The following GSG1L variants were observed in gnomAD, a reference collection of about 807,000 sequenced individuals.
The protein encoded by GSG1L is germ cell-specific gene 1-like protein.
GSG1L carries 24 observed loss-of-function variants against 42.1 expected under a neutral mutation model. The ratio of observed to expected loss-of-function variants is 0.57; its 90% CI spans 0.41 to 0.80. GSG1L has a LOEUF of 0.80. GSG1L is among the 30% of genes least tolerant of loss of function. GSG1L has a pLI of 0.00. For synonymous variants in GSG1L, 215 were observed against 203.5 expected (o/e 1.06, Z -0.48); for missense variants, 445 against 472.2 (o/e 0.94, Z 0.53).
In GSG1L at chr16:27,788,516, A is replaced by C. The variant is rs1272628411; in HGVS notation, c.*2854T>G. 6.6e-6 allele frequency: 1 copy of C among 152,152 alleles called. No individual in the cohort carries two copies. Among genetic ancestry groups the C allele is most frequent in the African/African-American group, 2.4e-5 (1 of 41,348 alleles). 9.4% of individuals were successfully genotyped at this position (152,152 alleles called of 1,614,324 possible). A position where few individuals can be genotyped will look rare whatever the true frequency, so the allele number is the denominator to read the frequency against. On this transcript the variant is annotated 3_prime_UTR_variant, in exon 7 of 7. Coordinates refer to ENST00000447459, the MANE Select transcript of GSG1L (RefSeq NM_001109763.2). ...ACTGCCCTCTGATGCCTAATTTCCC[A>C]CAACTGCCTCCTGACCTCCCTGCTC...
intron 2 of GSG1L, among the ~76,000 whole-genome samples, chr16:27,896,539 T>C (rs2084194152): frequency 6.6e-6 from 1 of 152,212 alleles, no homozygotes; most frequent in South Asian, 2.1e-4. Context: ...CTGCACATCC[T>C]GCACATGGAT....
At chr16:27,819,220 A>G (rs1477993016) in intron 5 of GSG1L, among the ~76,000 whole-genome samples, 1 of 151,412 alleles carries the variant, frequency 6.6e-6, no homozygotes, top group Non-Finnish European at 1.5e-5. Context: ...ACTGCACTCC[A>G]GCCTGGCGAC....
rs577530305 is a variant in GSG1L at position 27,837,053 on chromosome 16, C to T, written c.662+7897G>A. Among the ~76,000 whole-genome samples the T allele has an allele frequency of 1.1e-4, 16 of 152,202 alleles. No homozygotes were observed. The East Asian group carries it at 2.7e-3, about 26-fold the overall frequency. ...GTAGAAGTCTAGGTTTCCCACTGGG[C>T]GAGTGTATTAGTCTGTGTAATTTAT... On this transcript the variant is annotated intron_variant, in intron 4 of 6. Transcript: ENST00000447459.
chr16:27,821,308 CA>C (rs1188428623), intron 5 of GSG1L, among the ~76,000 whole-genome samples: 8 of 151,526 alleles, frequency 5.3e-5, no homozygotes, highest in African/African-American at 1.7e-4. Flanking sequence ...TTTTTAGATT[CA>C]GGGGTACATG....
At chr16:27,817,629 A>T (rs1627331) in intron 5 of GSG1L, among the ~76,000 whole-genome samples, 49,154 of 151,992 alleles carry the variant, frequency 0.32, 8,931 homozygotes, top group African/African-American at 0.46. Context: ...GAGCAGCTGG[A>T]ATTATAAGTG....
chr16:27,900,860 G>A (rs1274451079), intron 2 of GSG1L, among the ~76,000 whole-genome samples: 1 of 151,902 alleles, frequency 6.6e-6, no homozygotes, highest in Non-Finnish European at 1.5e-5. Flanking sequence ...GAGCATGGTG[G>A]CTCATGCTTA....
At chr16:27,925,284 A>G (rs876081) in intron 2 of GSG1L, among the ~76,000 whole-genome samples, 52,469 of 152,058 alleles carry the variant, frequency 0.35, 9,358 homozygotes, top group African/African-American at 0.43. Flanking sequence ...GGCAGGGCCA[A>G]CATTTCAGGC....
intron 4 of GSG1L, among the ~76,000 whole-genome samples, chr16:27,839,051 T>C (rs574284331): frequency 2.8e-4 from 42 of 152,302 alleles, no homozygotes; most frequent in African/African-American, 9.6e-4. Context: ...CCTTAAGGGA[T>C]TGGCCTGCTG....
At chr16:27,810,812 C>T (rs922644367) in intron 5 of GSG1L, among the ~76,000 whole-genome samples, 3 of 152,142 alleles carry the variant, frequency 2.0e-5, no homozygotes, top group East Asian at 1.9e-4. Context: ...CTCAGCCTCC[C>T]GAGGAGCTGG....
Position 27,979,661 on chromosome 16 carries a change from AAGAG to A in GSG1L, c.350-16462_350-16459del, listed in dbSNP as rs1555512078. Among the ~76,000 whole-genome samples the A allele has an allele frequency of 3.8e-4, 26 of 67,718 alleles. 2 individuals are homozygous for A. The South Asian group carries it at 4.8e-3, about 12-fold the overall frequency. 44.4% of individuals were successfully genotyped at this position (67,718 alleles called of 152,430 possible). A position where few individuals can be genotyped will look rare whatever the true frequency, so the allele number is the denominator to read the frequency against. On this transcript the variant is annotated intron_variant, in intron 1 of 6. Transcript: ENST00000447459. ...GGGAGGGGAAAGAAAGAAAGAAAGA[AAGAG>A]AGAGAGAGAGAGAGAAAGAAAGAAG...
chr16:27,989,247 C>G (rs1295247911), intron 1 of GSG1L, among the ~76,000 whole-genome samples: 38 of 152,082 alleles, frequency 2.5e-4, no homozygotes, highest in Admixed American at 2.5e-3. Flanking sequence ...ATTTTGCAGT[C>G]ATCCAGGATC....
chr16:27,955,223 G>A (rs555702339), intron 2 of GSG1L, among the ~76,000 whole-genome samples: 1 of 152,188 alleles, frequency 6.6e-6, no homozygotes, highest in South Asian at 2.1e-4. Flanking sequence ...GGAGAAATAT[G>A]AGAAGATATT....
chr16:27,988,692 T>A (rs2085415772), intron 1 of GSG1L, among the ~76,000 whole-genome samples: 1 of 151,656 alleles, frequency 6.6e-6, no homozygotes, highest in Non-Finnish European at 1.5e-5. Flanking sequence ...AAACAAGAAT[T>A]TATGTCATAT....
chr16:27,924,617 A>T (rs2084570471), intron 2 of GSG1L, among the ~76,000 whole-genome samples: 1 of 152,164 alleles, frequency 6.6e-6, no homozygotes, highest in Non-Finnish European at 1.5e-5. Context: ...TTGCCCTTGT[A>T]TCTGCAGGAG....
chr16:27,959,858 T>C (rs966909226), intron 2 of GSG1L, among the ~76,000 whole-genome samples: 2 of 152,006 alleles, frequency 1.3e-5, no homozygotes, highest in African/African-American at 2.4e-5. Flanking sequence ...ACTTACAAGA[T>C]TGTGGCAGGA....
At chr16:27,862,189 T>C (rs746016036) in intron 3 of GSG1L, among the ~76,000 whole-genome samples, 21 of 152,198 alleles carry the variant, frequency 1.4e-4, no homozygotes, top group Non-Finnish European at 2.6e-4. Context: ...TACATAAGAT[T>C]GTGACACTTC....
In GSG1L at chr16:28,040,910, C is replaced by G. The variant is rs543951387; in HGVS notation, c.349+22166G>C. On this transcript the variant is annotated intron_variant, in intron 1 of 6. Transcript: ENST00000447459. This position sits in a 1 kb window ranked among gnomAD's most constrained non-coding sequence, Gnocchi z 4.1. ...GGGCCTTATTCAGACCCCACAGCAG[C>G]AAATGTGTGCTGTGCACTGAGCCTG... Among the ~76,000 whole-genome samples, 1 of 152,244 alleles carries G rather than the reference C, an allele frequency of 6.6e-6. No individual in the cohort carries two copies. The highest frequency in any genetic ancestry group is 1.5e-5 in the Non-Finnish European group (1 of 68,050).
intron 1 of GSG1L, among the ~76,000 whole-genome samples, chr16:27,996,769 CT>C (rs2141139841): frequency 6.6e-6 from 1 of 152,250 alleles, no homozygotes; most frequent in Non-Finnish European, 1.5e-5. Flanking sequence ...CCTTATAAAT[CT>C]TTTTCCTTTT....
At chr16:27,808,843 C>T (rs1049886481) in intron 5 of GSG1L, among the ~76,000 whole-genome samples, 11 of 152,232 alleles carry the variant, frequency 7.2e-5, no homozygotes, top group Admixed American at 3.9e-4. Flanking sequence ...GCAGCCTCTG[C>T]GGGGTGGCAG....
Sources: gnomAD v4.1 joint callset for allele counts (sites outside exome capture counted in the v4.1 genomes callset) on GRCh38, gnomAD v4.1.1 for gene constraint, Gnocchi (gnomAD v3.1) non-coding constraint, MANE v1.5 for transcripts, NCBI Gene and HGNC (gene_info 2026-07-23, HGNC 2026-07-21) for gene names.